The following HIVEP3 variants were observed in gnomAD, a reference collection of about 807,000 sequenced individuals.
HIVEP3 encodes transcription factor HIVEP3.
A neutral mutation model predicts 152.8 loss-of-function variants in HIVEP3; 49 were observed. That is an observed-to-expected ratio of 0.32 (90% CI 0.26 to 0.41). The LOEUF (loss-of-function observed/expected upper bound fraction) is 0.41, where lower values mean the gene tolerates loss of function less well. Among genes scored for constraint, HIVEP3 ranks in the 10% least tolerant of loss-of-function variants. HIVEP3 has a pLI of 1.00. For synonymous variants in HIVEP3, 1,269 were observed against 1,289.0 expected (o/e 0.98, Z 0.33); for missense variants, 2,790 against 3,103.3 (o/e 0.90, Z 2.40).
intron 5 of HIVEP3, among the ~76,000 whole-genome samples, chr1:41,568,229 C>T (rs1644198184): frequency 6.6e-6 from 1 of 152,192 alleles, no homozygotes; most frequent in Non-Finnish European, 1.5e-5. Context: ...ATAAGAAGTG[C>T]CATGGAGTGT....
rs773912845 is a variant in HIVEP3 at position 41,545,525 on chromosome 1, CACT to C, written c.5208-20618_5208-20616del. Among the ~76,000 whole-genome samples the C allele has an allele frequency of 3.1e-3, 435 of 140,464 alleles. 2 individuals carry two copies. The highest frequency in any genetic ancestry group is 4.2e-3 in the Non-Finnish European group (268 of 63,698). 92.1% of individuals were successfully genotyped at this position (140,464 alleles called of 152,430 possible). A position where few individuals can be genotyped will look rare whatever the true frequency, so the allele number is the denominator to read the frequency against. On this transcript the variant is annotated intron_variant, in intron 5 of 8. Coordinates refer to ENST00000372583, the MANE Select transcript of HIVEP3 (RefSeq NM_024503.5). ...CTACCACCATCGCTACCATCACCAC[CACT>C]ACCATCACCACCACCACCATCACCA...
intron 7 of HIVEP3, among the ~76,000 whole-genome samples, chr1:41,516,207 G>C (rs982161658): frequency 6.6e-6 from 1 of 152,274 alleles, no homozygotes; most frequent in African/African-American, 2.4e-5. Flanking sequence ...CTGGGATCCA[G>C]GCCAACGCTC....
intron 2 of HIVEP3, among the ~76,000 whole-genome samples, chr1:41,629,299 G>T (rs1558128906): frequency 6.6e-6 from 1 of 152,190 alleles, no homozygotes; most frequent in Non-Finnish European, 1.5e-5. Flanking sequence ...ATCAAGACCT[G>T]GCCTGGTATG....
intron 1 of HIVEP3, among the ~76,000 whole-genome samples, chr1:41,952,533 C>T (rs1375550453): frequency 6.6e-6 from 1 of 152,122 alleles, no homozygotes; most frequent in African/African-American, 2.4e-5. Context: ...CCCTGATAAC[C>T]AAAGCCCTTG....
At chr1:41,635,230 G>A (rs1016990292) in intron 2 of HIVEP3, among the ~76,000 whole-genome samples, 7 of 152,086 alleles carry the variant, frequency 4.6e-5, no homozygotes, top group Non-Finnish European at 1.0e-4. Context: ...CAACGCTATC[G>A]TAGGATAATT....
intron 1 of HIVEP3, among the ~76,000 whole-genome samples, chr1:41,868,443 G>T (rs1644021457): frequency 6.6e-6 from 1 of 151,986 alleles, no homozygotes; most frequent in Admixed American, 6.5e-5. Context: ...TTGCTCTTAA[G>T]TCCCCTCCTC....
intron 5 of HIVEP3, among the ~76,000 whole-genome samples, chr1:41,572,629 C>G (rs933912837): frequency 2.0e-5 from 3 of 152,198 alleles, no homozygotes; most frequent in African/African-American, 7.2e-5. Context: ...TTTTCTGACA[C>G]AGAGCACCCA....
chr1:41,591,226 C>T (rs1341260660), intron 3 of HIVEP3, among the ~76,000 whole-genome samples: 4 of 152,076 alleles, frequency 2.6e-5, no homozygotes, highest in South Asian at 2.1e-4. Flanking sequence ...TGTAAAGTCC[C>T]GGGCACACAG....
At chr1:41,656,228 C>A (rs1026361578) in intron 2 of HIVEP3, among the ~76,000 whole-genome samples, 1 of 152,180 alleles carries the variant, frequency 6.6e-6, no homozygotes, top group Non-Finnish European at 1.5e-5. Context: ...CAGCCCCACA[C>A]GCAGCCAGTT....
intron 6 of HIVEP3, among the ~76,000 whole-genome samples, chr1:41,523,241 C>T (rs746634372): frequency 7.2e-5 from 11 of 152,306 alleles, no homozygotes; most frequent in South Asian, 4.1e-4. Context: ...TCCAGGGCGA[C>T]GCATGCTGGG....
intron 4 of HIVEP3, among the ~76,000 whole-genome samples, chr1:41,579,036 G>A (rs983886045): frequency 2.0e-5 from 3 of 152,208 alleles, no homozygotes; most frequent in African/African-American, 7.2e-5. Context: ...CAGGGGACGA[G>A]TTCATTTTAT....
At chr1:41,637,409 C>T (rs767801356) in intron 2 of HIVEP3, among the ~76,000 whole-genome samples, 5 of 152,228 alleles carry the variant, frequency 3.3e-5, no homozygotes, top group South Asian at 2.1e-4. Flanking sequence ...GTCTATGTGA[C>T]GTACAAGCTT....
At chr1:41,563,491 T>C (rs1644114154) in intron 5 of HIVEP3, among the ~76,000 whole-genome samples, 1 of 152,068 alleles carries the variant, frequency 6.6e-6, no homozygotes, top group South Asian at 2.1e-4. Flanking sequence ...AGCAGACCCT[T>C]TAACCAAGAG....
At chr1:41,800,434 C>A (rs1262809872) in intron 1 of HIVEP3, among the ~76,000 whole-genome samples, 1 of 152,224 alleles carries the variant, frequency 6.6e-6, no homozygotes, top group Non-Finnish European at 1.5e-5. Flanking sequence ...TGCAGAGAAC[C>A]AGGCTGCTCC....
At chr1:41,958,425 T>C (rs1171771216) in intron 1 of HIVEP3, among the ~76,000 whole-genome samples, 1 of 152,190 alleles carries the variant, frequency 6.6e-6, no homozygotes, top group East Asian at 1.9e-4. Flanking sequence ...AGTGACCATA[T>C]GGGCAGAGCT....
chr1:41,753,089 C>T (rs1049513152), intron 1 of HIVEP3, among the ~76,000 whole-genome samples: 11 of 152,160 alleles, frequency 7.2e-5, no homozygotes, highest in African/African-American at 1.7e-4. Context: ...TAAAAACTCA[C>T]GTGAGAACAG....
intron 1 of HIVEP3, among the ~76,000 whole-genome samples, chr1:41,924,264 G>A (rs11210548): frequency 0.51 from 76,991 of 151,890 alleles, 19,736 homozygotes; most frequent in East Asian, 0.71. Flanking sequence ...CTGAGCCTCC[G>A]GAGGGAGCAT....
At chr1:41,634,048 G>A (rs572998194) in intron 2 of HIVEP3, among the ~76,000 whole-genome samples, 3 of 151,748 alleles carry the variant, frequency 2.0e-5, no homozygotes, top group South Asian at 2.1e-4. Flanking sequence ...CCTTAGATCC[G>A]TTACTCAGCC....
chr1:41,777,076 C>T (rs1403860139), intron 1 of HIVEP3, among the ~76,000 whole-genome samples: 2 of 152,150 alleles, frequency 1.3e-5, no homozygotes, highest in African/African-American at 4.8e-5. Context: ...ACAGGAGGGC[C>T]GTGGGAGAAA....
Sources: gnomAD v4.1 joint callset for allele counts (sites outside exome capture counted in the v4.1 genomes callset) on GRCh38, gnomAD v4.1.1 for gene constraint, MANE v1.5 for transcripts, NCBI Gene and HGNC (gene_info 2026-07-23, HGNC 2026-07-21) for gene names.